CRADD: variants seen among roughly 807,000 people sequenced by gnomAD.
The protein encoded by CRADD is CARD and death domain containing adaptor protein.
In CRADD, 9 loss-of-function variants were observed where a neutral mutation model predicts 15.5. The ratio of observed to expected loss-of-function variants is 0.58; its 90% CI spans 0.35 to 1.01. CRADD has a LOEUF of 1.01. Ranked by LOEUF, CRADD falls within the 50% of genes least tolerant of loss-of-function variation. The pLI is 0.02. For synonymous variants in CRADD, 118 were observed against 107.6 expected (o/e 1.10, Z -0.60); for missense variants, 227 against 250.3 (o/e 0.91, Z 0.63).
At chr12:93,794,253 G>T (rs899919837) in intron 2 of CRADD, among the ~76,000 whole-genome samples, 14 of 152,040 alleles carry the variant, frequency 9.2e-5, no homozygotes, top group Non-Finnish European at 1.6e-4. Flanking sequence ...ATCTCATTGG[G>T]TCCCATTGCT....
chr12:93,734,840 A>G (rs1010665255), intron 2 of CRADD, among the ~76,000 whole-genome samples: 5 of 151,916 alleles, frequency 3.3e-5, no homozygotes, highest in Non-Finnish European at 7.4e-5. Flanking sequence ...TCTTCCCCCT[A>G]TCTTCACCAA....
At chr12:93,696,568 C>A (rs142699246) in intron 2 of CRADD, among the ~76,000 whole-genome samples, 2 of 151,952 alleles carry the variant, frequency 1.3e-5, no homozygotes, top group African/African-American at 4.8e-5. Flanking sequence ...ATGGTAGATA[C>A]CAGAGGCTGG....
At chr12:93,798,846 G>A (rs937884097) in intron 2 of CRADD, among the ~76,000 whole-genome samples, 1 of 152,210 alleles carries the variant, frequency 6.6e-6, no homozygotes. Context: ...GCCAAGAAGT[G>A]CTGATGAGTT....
chr12:93,754,813 A>G (rs1340703768), intron 2 of CRADD, among the ~76,000 whole-genome samples: 1 of 152,108 alleles, frequency 6.6e-6, no homozygotes, highest in Non-Finnish European at 1.5e-5. Flanking sequence ...TTAGCCCTCC[A>G]AACTGTTCCA....
At chr12:93,704,252 T>C (rs1955899667) in intron 2 of CRADD, among the ~76,000 whole-genome samples, 1 of 152,226 alleles carries the variant, frequency 6.6e-6, no homozygotes, top group Non-Finnish European at 1.5e-5. Context: ...TAATTCCAGC[T>C]CTTCAACTAG....
At chr12:93,739,073 A>T (rs112244976) in intron 2 of CRADD, among the ~76,000 whole-genome samples, 1 of 152,174 alleles carries the variant, frequency 6.6e-6, no homozygotes, top group Non-Finnish European at 1.5e-5. Flanking sequence ...TTCTCCCAGC[A>T]AAATACACAG....
Position 93,850,207 on chromosome 12 carries a change from G to A in CRADD, c.536G>A (p.Ser179Asn), listed in dbSNP as rs760877938. 4 of 1,613,244 alleles carry A rather than the reference G, an allele frequency of 2.5e-6. 1 individual carries two copies. In the South Asian group the frequency reaches 4.4e-5, roughly 18 times the overall value. The change falls in exon 3 of 3, where the codon AGC (serine) becomes AAC (asparagine). Residue 179 changes from serine to asparagine, a missense_variant. By Grantham distance (46) the Ser-to-Asn change is conservative. Coordinates refer to ENST00000332896, the MANE Select transcript of CRADD (RefSeq NM_003805.5). This position sits in a 1 kb window ranked among gnomAD's most constrained non-coding sequence, Gnocchi z 4.0. ...QRFGKQATFQ[S>N]LHNGLRAVEV... is the part of the protein sequence containing the mutation. The stretch of plus-strand genomic sequence containing the variant: ...TTCGGGAAGCAGGCCACCTTCCAGA[G>A]CCTGCACAACGGGCTGCGGGCTGTG...
chr12:93,781,297 C>T (rs1957207684), intron 2 of CRADD, among the ~76,000 whole-genome samples: 1 of 152,206 alleles, frequency 6.6e-6, no homozygotes, highest in Non-Finnish European at 1.5e-5. Context: ...GCATTTGTCA[C>T]TTCTGAGATT....
chr12:93,823,163 G>A (rs1006814511), intron 2 of CRADD, among the ~76,000 whole-genome samples: 2 of 152,176 alleles, frequency 1.3e-5, no homozygotes, highest in East Asian at 1.9e-4. Context: ...GTGGTGGCAG[G>A]TGCCTGTAAT....
chr12:93,785,059 C>T (rs1190507326), intron 2 of CRADD, among the ~76,000 whole-genome samples: 1 of 151,664 alleles, frequency 6.6e-6, no homozygotes, highest in Non-Finnish European at 1.5e-5. Context: ...CATATAGAAA[C>T]ATTGGAATAA....
At chr12:93,862,379 T>C (rs1958325838) in intron 2 of CRADD, among the ~76,000 whole-genome samples, 1 of 152,132 alleles carries the variant, frequency 6.6e-6, no homozygotes, top group African/African-American at 2.4e-5. Flanking sequence ...CCACCTTGTA[T>C]AGATACAGTT....
At chr12:93,755,444 G>A (rs1661353344) in intron 2 of CRADD, among the ~76,000 whole-genome samples, 1 of 152,144 alleles carries the variant, frequency 6.6e-6, no homozygotes, top group Non-Finnish European at 1.5e-5. Context: ...CATGACAGTG[G>A]AACTAACTAC....
In CRADD at chr12:93,778,064, G is replaced by C. The variant is rs543335620; in HGVS notation, c.299-71906G>C. 3.9e-5 allele frequency among the ~76,000 whole-genome samples: 6 copies of C among 152,260 alleles called. No homozygotes were observed. In the South Asian group the frequency reaches 6.2e-4, roughly 16 times the overall value. ...AGAAGCCCAAGACAGTCCATGTGTG[G>C]TTCAGTATTGACCTAATAGCAGAAT... is the stretch of plus-strand genomic sequence containing the variant. On this transcript the variant is annotated intron_variant, in intron 2 of 2. Transcript: ENST00000332896.
chr12:93,773,652 T>G (rs1200488515), intron 2 of CRADD, among the ~76,000 whole-genome samples: 2 of 151,942 alleles, frequency 1.3e-5, no homozygotes, highest in African/African-American at 4.8e-5. Flanking sequence ...GGCCTTGTCA[T>G]TTTCTAAGGC....
chr12:93,715,720 AT>A (rs1956149906), intron 2 of CRADD, among the ~76,000 whole-genome samples: 1 of 152,140 alleles, frequency 6.6e-6, no homozygotes, highest in Non-Finnish European at 1.5e-5. Flanking sequence ...GTATAAACAG[AT>A]TTTTCCAAAC....
chr12:93,774,213 A>T (rs1957118056), intron 2 of CRADD, among the ~76,000 whole-genome samples: 1 of 152,194 alleles, frequency 6.6e-6, no homozygotes, highest in Admixed American at 6.5e-5. Context: ...ATAAACACAT[A>T]GTCCATCACT....
At position 93,850,429 on chromosome 12, in the gene CRADD, GA is replaced by G. The variant is rs915321429; in HGVS notation, c.*161del. On this transcript the variant is annotated 3_prime_UTR_variant, in exon 3 of 3. Transcript: ENST00000332896. The surrounding 1 kb of genome is among the most constrained non-coding windows in gnomAD (Gnocchi z 4.0). ...ACAGGGTTTCCACTAGACATTACTT[GA>G]AAGGCCAGATTACTCAGCAGATCTC... 5 of 1,364,084 alleles carry G rather than the reference GA, an allele frequency of 3.7e-6. No individual in the cohort carries two copies. The Admixed American group carries it at 1.9e-4, about 51-fold the overall frequency. 84.5% of individuals were successfully genotyped at this position (1,364,084 alleles called of 1,614,324 possible).
intron 2 of CRADD, among the ~76,000 whole-genome samples, chr12:93,727,234 G>A (rs570004120): frequency 7.2e-5 from 11 of 152,272 alleles, no homozygotes; most frequent in African/African-American, 2.6e-4. Context: ...GATCCCTGTG[G>A]TCTCTTCAGT....
intron 2 of CRADD, among the ~76,000 whole-genome samples, chr12:93,734,507 C>T (rs1254438475): frequency 6.6e-6 from 1 of 152,144 alleles, no homozygotes; most frequent in Non-Finnish European, 1.5e-5. Context: ...TGTTTTCACA[C>T]TGTGTTTTTC....
Sources: gnomAD v4.1 joint callset for allele counts (sites outside exome capture counted in the v4.1 genomes callset) on GRCh38, gnomAD v4.1.1 for gene constraint, Gnocchi (gnomAD v3.1) non-coding constraint, MANE v1.5 for transcripts, NCBI Gene and HGNC (gene_info 2026-07-23, HGNC 2026-07-21) for gene names.